The following GRID1 variants were observed in gnomAD, a reference collection of about 807,000 sequenced individuals.
The protein encoded by GRID1 is glutamate receptor ionotropic, delta-1.
In GRID1, 28 loss-of-function variants were observed where a neutral mutation model predicts 98.0. That is an observed-to-expected ratio of 0.29 (90% confidence interval 0.21 to 0.39). The LOEUF (loss-of-function observed/expected upper bound fraction) is 0.39, where lower values mean the gene tolerates loss of function less well. Among genes scored for constraint, GRID1 ranks in the 10% least tolerant of loss-of-function variants. The probability of loss-of-function intolerance (pLI) is 1.00; values close to 1 mark genes in which losing one functional copy is unlikely to be tolerated. For missense variants in GRID1, 1,111 were observed against 1,340.5 expected, an observed-to-expected ratio of 0.83 and a Z score of 2.67; for synonymous variants, 553 against 538.5, an observed-to-expected ratio of 1.03 and a Z score of -0.37.
At chr10:85,717,703 A>C (rs544987294) in intron 12 of GRID1, among the ~76,000 whole-genome samples, 4 of 152,318 alleles carry the variant, frequency 2.6e-5, no homozygotes, top group African/African-American at 9.6e-5. Context: ...GTCTTAACTC[A>C]TTTCAGCATT....
intron 4 of GRID1, among the ~76,000 whole-genome samples, chr10:85,975,680 G>A (rs1842463380): frequency 2.0e-5 from 3 of 152,040 alleles, no homozygotes; most frequent in Non-Finnish European, 4.4e-5. Flanking sequence ...TTTGGTCCAG[G>A]CCTATGGTCA....
At chr10:85,720,004 T>A (rs965098334) in intron 12 of GRID1, among the ~76,000 whole-genome samples, 2 of 152,178 alleles carry the variant, frequency 1.3e-5, no homozygotes, top group Non-Finnish European at 1.5e-5. Context: ...AATATCATGT[T>A]GTATACTGTA....
At chr10:85,900,911 G>A (rs1841373998) in intron 5 of GRID1, among the ~76,000 whole-genome samples, 1 of 152,190 alleles carries the variant, frequency 6.6e-6, no homozygotes, top group African/African-American at 2.4e-5. Context: ...GAATCACAGA[G>A]TAAGTTATAT....
At chr10:86,023,453 C>T (rs184941724) in intron 4 of GRID1, among the ~76,000 whole-genome samples, 41 of 152,234 alleles carry the variant, frequency 2.7e-4, no homozygotes, top group Admixed American at 2.4e-3. Context: ...TTGCCCATCC[C>T]GTCTCCACTG....
chr10:85,928,487 C>T (rs757019608), intron 4 of GRID1, among the ~76,000 whole-genome samples: 107 of 152,320 alleles, frequency 7.0e-4, no homozygotes, highest in Middle Eastern at 3.4e-3. Context: ...GGCCTGCAGA[C>T]ACCAAGTCAC....
At chr10:86,341,141 T>C (rs572410405) in intron 2 of GRID1, among the ~76,000 whole-genome samples, 103 of 152,220 alleles carry the variant, frequency 6.8e-4, no homozygotes, top group African/African-American at 2.0e-3. Flanking sequence ...GTATCCTCCC[T>C]CCTCCTTATT....
Position 86,214,860 on chromosome 10 carries a change from C to CTCCG in GRID1, c.236-8216_236-8213dup, listed in dbSNP as rs560072628. Among the ~76,000 whole-genome samples, 240 of 152,264 alleles carry CTCCG rather than the reference C, an allele frequency of 1.6e-3. 2 individuals carry two copies. The highest frequency in any genetic ancestry group is 5.6e-3 in the African/African-American group (232 of 41,566). On this transcript the variant is annotated intron_variant, in intron 2 of 15. Transcript: ENST00000327946. Reference sequence around the variant, plus strand: ...CTTCATCCTGGGCTACAAAGCAAGACTCCGTATCAAAAAAAGAAAAGAATC... The same window carrying CTCCG: ...CTTCATCCTGGGCTACAAAGCAAGACTCCGTCCGTATCAAAAAAAGAAAAGAATC...
chr10:86,279,729 T>C (rs1847329280), intron 2 of GRID1, among the ~76,000 whole-genome samples: 1 of 152,196 alleles, frequency 6.6e-6, no homozygotes, highest in East Asian at 1.9e-4. Context: ...TCTAACATTT[T>C]ACAAGAATTT....
intron 3 of GRID1, among the ~76,000 whole-genome samples, chr10:86,180,051 A>C (rs540838314): frequency 6.6e-6 from 1 of 152,240 alleles, no homozygotes; most frequent in African/African-American, 2.4e-5. Flanking sequence ...GGCAGAAGCC[A>C]AGTCAAGAGT....
At chr10:85,993,274 T>C (rs557826705) in intron 4 of GRID1, among the ~76,000 whole-genome samples, 10 of 152,140 alleles carry the variant, frequency 6.6e-5, no homozygotes, top group African/African-American at 2.4e-4. Flanking sequence ...AGGGGCAGCT[T>C]TGGCCAAGGT....
intron 8 of GRID1, among the ~76,000 whole-genome samples, chr10:85,850,653 T>C (rs1024098691): frequency 7.2e-5 from 11 of 152,144 alleles, no homozygotes; most frequent in African/African-American, 2.7e-4. Context: ...TCTGCTCTTG[T>C]GGAGTCTGAG....
At chr10:85,771,873 G>A (rs1254647169) in intron 8 of GRID1, among the ~76,000 whole-genome samples, 1 of 152,018 alleles carries the variant, frequency 6.6e-6, no homozygotes, top group Non-Finnish European at 1.5e-5. Flanking sequence ...AATAACAGTG[G>A]GAGACTTTAA....
At chr10:86,179,415 G>C (rs528553868) in intron 3 of GRID1, among the ~76,000 whole-genome samples, 2 of 152,296 alleles carry the variant, frequency 1.3e-5, no homozygotes, top group South Asian at 4.1e-4. Flanking sequence ...GCTTCACTGA[G>C]GTGACCTCCT....
chr10:86,158,957 G>A (rs1389711779), intron 3 of GRID1, among the ~76,000 whole-genome samples: 1 of 152,200 alleles, frequency 6.6e-6, no homozygotes, highest in Non-Finnish European at 1.5e-5. Context: ...GCAGTGGCGC[G>A]ATCTTGGCTC....
intron 10 of GRID1, among the ~76,000 whole-genome samples, chr10:85,726,431 A>G (rs1426424725): frequency 9.9e-5 from 15 of 152,172 alleles, no homozygotes; most frequent in Non-Finnish European, 2.9e-5. Flanking sequence ...CAGATTCACA[A>G]TTTCCTTCTC....
chr10:86,304,543 A>G (rs1364454097), intron 2 of GRID1, among the ~76,000 whole-genome samples: 7 of 152,200 alleles, frequency 4.6e-5, no homozygotes, highest in Non-Finnish European at 1.0e-4. Flanking sequence ...TGAGCACAGA[A>G]GGCATGGCAG....
At chr10:86,054,009 G>A (rs1843539997) in intron 4 of GRID1, among the ~76,000 whole-genome samples, 1 of 152,142 alleles carries the variant, frequency 6.6e-6, no homozygotes, top group Admixed American at 6.5e-5. Context: ...CTTAATAAAG[G>A]AGTCTGTAGA....
intron 4 of GRID1, among the ~76,000 whole-genome samples, chr10:86,001,438 A>T (rs534236698): frequency 6.6e-6 from 1 of 152,322 alleles, no homozygotes; most frequent in South Asian, 2.1e-4. Context: ...GCAGAGGTGG[A>T]CCTTGAGGAC....
intron 2 of GRID1, among the ~76,000 whole-genome samples, chr10:86,329,305 G>A (rs1158605845): frequency 6.6e-6 from 1 of 152,202 alleles, no homozygotes; most frequent in Non-Finnish European, 1.5e-5. Flanking sequence ...GTCATACCAT[G>A]GGCCCTCCTC....
Sources: gnomAD v4.1 joint callset for allele counts (sites outside exome capture counted in the v4.1 genomes callset) on GRCh38, gnomAD v4.1.1 for gene constraint, MANE v1.5 for transcripts, NCBI Gene and HGNC (gene_info 2026-07-23, HGNC 2026-07-21) for gene names.